ANK2: variants seen among roughly 807,000 people sequenced by gnomAD.
The protein encoded by ANK2 is ankyrin-2.
ANK2 carries 83 observed loss-of-function variants against 360.5 expected under a neutral mutation model. That is an observed-to-expected ratio of 0.23 (90% confidence interval 0.19 to 0.28). The LOEUF (loss-of-function observed/expected upper bound fraction) is 0.28. Ranked by LOEUF, ANK2 falls within the 10% of genes least tolerant of loss-of-function variation. ANK2 has a pLI of 1.00. For synonymous variants in ANK2, 1,740 were observed against 1,759.5 expected (o/e 0.99, Z 0.28); for missense variants, 4,201 against 4,795.7 (o/e 0.88, Z 3.66).
chr4:112,827,500 C>T (rs2058657898), intron 1 of ANK2: 2 of 1,295,024 alleles, frequency 1.5e-6, no homozygotes, highest in African/African-American at 2.9e-5. Flanking sequence ...CAAACAGTTG[C>T]TTCATCTAAG....
intron 4 of ANK2, among the ~76,000 whole-genome samples, chr4:113,202,428 C>T (rs2098843754): frequency 6.6e-6 from 1 of 152,160 alleles, no homozygotes; most frequent in South Asian, 2.1e-4. Context: ...CGTAGGGAAT[C>T]CTGAATGTAC....
the ANK2 span, among the ~76,000 whole-genome samples, chr4:112,804,551 G>A: frequency 3.9e-5 from 6 of 152,154 alleles, no homozygotes; most frequent in South Asian, 4.1e-4. Context: ...AACTCATTGA[G>A]GGAGCTTGTT....
chr4:112,849,951 A>AGGT (rs1219692219), intron 1 of ANK2, among the ~76,000 whole-genome samples: 2 of 152,188 alleles, frequency 1.3e-5, no homozygotes, highest in African/African-American at 4.8e-5. Context: ...GGACCTGAAT[A>AGGT]GAACAAAAAG....
chr4:112,712,554 C>T, the ANK2 span, among the ~76,000 whole-genome samples: 1 of 151,430 alleles, frequency 6.6e-6, no homozygotes, highest in Non-Finnish European at 1.5e-5. Context: ...ACTACAGGCG[C>T]CTGCCACCAT....
chr4:113,333,204 T>C lies in ANK2; in HGVS notation c.3375T>C (p.Asp1125=), dbSNP rs1259470793. 1 of 1,614,022 alleles carries C rather than the reference T, an allele frequency of 6.2e-7. No individual in the cohort carries two copies. The highest frequency in any genetic ancestry group is 8.5e-7 in the Non-Finnish European group (1 of 1,180,028). ...TGAATGAAATTCTTAACGGCATGGATGAAGGTACTTTCAGATGAAGCGTTT... is the reference window on the plus strand; with the variant it reads ...TGAATGAAATTCTTAACGGCATGGACGAAGGTACTTTCAGATGAAGCGTTT... ...DELNEILNGM[D]EVLDSPEDLE... is the part of the protein sequence containing the mutation. The change falls in exon 29 of 46, where the codon GAT becomes GAC. Residue 1125 remains aspartate (D), a synonymous_variant. Transcript: ENST00000357077.
rs146689956 is a variant in ANK2, at chr4:113,128,505, T to C, written c.85-45911T>C. ...CTCGTTGTTATTTATTTATTTTTTT[T>C]ATGAGACGAAGTCTCACTCTGTCAC... On this transcript the variant is annotated intron_variant, in intron 1 of 45. Coordinates refer to ENST00000357077, the MANE Select transcript of ANK2 (RefSeq NM_001148.6). Among the ~76,000 whole-genome samples, 465 of 152,344 alleles carry C rather than the reference T, an allele frequency of 3.1e-3. 7 individuals carry two copies. The highest frequency in any genetic ancestry group is 0.011 in the African/African-American group (446 of 41,574).
At chr4:112,813,785 C>T (rs547694564), upstream of ANK2, among the ~76,000 whole-genome samples, 1 of 152,340 alleles carries the variant, frequency 6.6e-6, no homozygotes, top group African/African-American at 2.4e-5. Flanking sequence ...GTCTACCCAT[C>T]TTGGCCACCC....
chr4:112,946,542 G>A (rs2094556209), intron 2 of ANK2, among the ~76,000 whole-genome samples: 1 of 152,168 alleles, frequency 6.6e-6, no homozygotes, highest in African/African-American at 2.4e-5. Flanking sequence ...GAAGGCAAAC[G>A]TGGTGGTGTT....
rs191133709 is a variant in ANK2, at chr4:112,979,299, T to A, written c.21+74785T>A. Among the ~76,000 whole-genome samples the A allele has an allele frequency of 5.9e-5, 9 of 152,330 alleles. No homozygotes were observed. The East Asian group carries it at 1.7e-3, about 29-fold the overall frequency. On this transcript the variant is annotated intron_variant, in intron 2 of 30. Coordinates refer to the ANK2 transcript ENST00000503271. ...AATGCTGGTACAGGTGCCAGCTCCA[T>A]GCGAGGCTGTGGCTGGATCAGGTGT...
intron 1 of ANK2, among the ~76,000 whole-genome samples, chr4:112,828,233 T>C (rs1357381313): frequency 9.5e-5 from 1 of 10,570 alleles, no homozygotes; most frequent in Non-Finnish European, 1.4e-4. Flanking sequence ...AATTACGGAC[T>C]TTTTTTTTTT....
intron 17 of ANK2, among the ~76,000 whole-genome samples, chr4:113,282,392 A>G (rs1228496747): frequency 1.3e-5 from 2 of 152,178 alleles, no homozygotes; most frequent in Non-Finnish European, 2.9e-5. Flanking sequence ...GGCTTATCCT[A>G]TGTTGCTTTT....
At chr4:113,192,046 C>T (rs1029063540) in intron 2 of ANK2, among the ~76,000 whole-genome samples, 2 of 152,084 alleles carry the variant, frequency 1.3e-5, no homozygotes, top group African/African-American at 4.8e-5. Context: ...ATAAGTCTAC[C>T]AACAAAACCA....
chr4:112,756,939 A>G, the ANK2 span, among the ~76,000 whole-genome samples: 31 of 152,074 alleles, frequency 2.0e-4, no homozygotes, highest in African/African-American at 7.5e-4. Context: ...CGGCATTGCA[A>G]TCCAGCCTGG....
chr4:112,971,814 G>T (rs565301984), intron 2 of ANK2, among the ~76,000 whole-genome samples: 1 of 152,268 alleles, frequency 6.6e-6, no homozygotes, highest in Admixed American at 6.5e-5. Flanking sequence ...ATGTCATAGG[G>T]CTATTTCCTC....
At chr4:112,872,209 T>C (rs2073360903) in intron 1 of ANK2, among the ~76,000 whole-genome samples, 1 of 152,034 alleles carries the variant, frequency 6.6e-6, no homozygotes, top group Admixed American at 6.5e-5. Context: ...TAAATTTCTT[T>C]TGTAGAGACT....
In ANK2 at chr4:113,354,836, T is replaced by C. The variant is rs1421884505; in HGVS notation, c.6218T>C (p.Ile2073Thr). ...ESKRGVRVSS[I>T]GVKKEDAAGG... is the part of the protein sequence containing the mutation. ...AAAAGAGGAGTTCGTGTTTCCTCCA[T>C]AGGAGTTAAGAAAGAAGATGCAGCT... The change falls in exon 38 of 46, where the codon ATA (isoleucine) becomes ACA (threonine). Residue 2073 changes from isoleucine to threonine, a missense_variant. Around this residue, in one of 4 missense-constraint regions of ANK2, gnomAD observed 2,642 missense variants for 2,714.5 expected, o/e 0.97. Transcript: ENST00000357077. 5 of 1,613,940 alleles carry C rather than the reference T, an allele frequency of 3.1e-6. No individual in the cohort carries two copies. The African/African-American group carries it at 4.0e-5, about 13-fold the overall frequency.
chr4:113,297,597 A>T (rs948706027), intron 22 of ANK2, among the ~76,000 whole-genome samples: 6 of 152,130 alleles, frequency 3.9e-5, no homozygotes, highest in African/African-American at 1.4e-4. Context: ...ATGGCAATAC[A>T]ATAAATACTT....
At chr4:113,213,686 T>C (rs556420484) in intron 4 of ANK2, among the ~76,000 whole-genome samples, 2 of 152,332 alleles carry the variant, frequency 1.3e-5, no homozygotes, top group East Asian at 3.9e-4. Flanking sequence ...TTTTAAAATT[T>C]TAAAATTAAT....
At chr4:113,373,048 G>C (rs1271339738) in intron 43 of ANK2, 42 bp from the exon 44 acceptor site, 9 of 1,518,632 alleles carry the variant, frequency 5.9e-6, no homozygotes, top group Non-Finnish European at 8.2e-6. Context: ...CCTCAGAATT[G>C]GTGCCAAACA....
Sources: gnomAD v4.1 joint callset for allele counts (sites outside exome capture counted in the v4.1 genomes callset) on GRCh38, gnomAD v4.1.1 for gene constraint, gnomAD v4.1.1 regional missense constraint, MANE v1.5 for transcripts, NCBI Gene and HGNC (gene_info 2026-07-23, HGNC 2026-07-21) for gene names.